The following RAB39A variants were observed in gnomAD, a reference collection of about 807,000 sequenced individuals.
RAB39A encodes ras-related protein Rab-39A.
Under a neutral mutation model 20.9 loss-of-function variants are expected in RAB39A, and 17 were observed. The observed-to-expected ratio is 0.81, with a 90% CI of 0.56 to 1.22. The LOEUF (loss-of-function observed/expected upper bound fraction) is 1.22, where lower values mean the gene tolerates loss of function less well. Among genes scored for constraint, RAB39A ranks in the 50% most tolerant of loss-of-function variants. The pLI, the probability that RAB39A is intolerant of heterozygous loss-of-function variation, is 0.00. For synonymous variants in RAB39A, 99 were observed against 103.4 expected (o/e 0.96, Z 0.26); for missense variants, 234 against 270.5 (o/e 0.87, Z 0.95).
At chr11:107,959,329 G>A (rs1861471698) in intron 1 of RAB39A, among the ~76,000 whole-genome samples, 2 of 152,098 alleles carry the variant, frequency 1.3e-5, no homozygotes, top group African/African-American at 4.8e-5. Flanking sequence ...TAAGAACATA[G>A]CCTTAATTAG....
intron 1 of RAB39A, among the ~76,000 whole-genome samples, chr11:107,945,480 G>A (rs181821894): frequency 2.0e-5 from 3 of 152,082 alleles, no homozygotes; most frequent in East Asian, 3.9e-4. Context: ...GGAGCCAAGA[G>A]CAACAAAATT....
chr11:107,928,686 G>T lies in RAB39A; in HGVS notation c.118G>T (p.Ala40Ser). ...QGRFPGLRSP[A>S]CDPTVGVDFF... The stretch of plus-strand genomic sequence containing the variant: ...CCGCTTCCCCGGGCTGCGCTCCCCC[G>T]CCTGCGACCCCACCGTCGGCGTGGA... Residue 40 changes from alanine to serine, a missense_variant, in exon 1 of 2, where the codon GCC (alanine) becomes TCC (serine). Transcript: ENST00000320578. This position sits in a 1 kb window ranked among gnomAD's most constrained non-coding sequence, Gnocchi z 4.9. 1 of 1,611,770 alleles carries T rather than the reference G, an allele frequency of 6.2e-7. No homozygotes were observed. The highest frequency in any genetic ancestry group is 1.7e-4 in the Middle Eastern group (1 of 6,048).
At chr11:107,940,162 T>A (rs998911455) in intron 1 of RAB39A, among the ~76,000 whole-genome samples, 3 of 152,074 alleles carry the variant, frequency 2.0e-5, no homozygotes, top group Non-Finnish European at 4.4e-5. Context: ...TGTCAAGCAG[T>A]GGCAAAGAAA....
At chr11:107,938,359 C>CAAA (rs58613355) in intron 1 of RAB39A, among the ~76,000 whole-genome samples, 195 of 62,946 alleles carry the variant, frequency 3.1e-3, no homozygotes, top group Middle Eastern at 0.033. Context: ...GACTCCGTCT[C>CAAA]AAAAAAAAAA....
chr11:107,948,548 G>A (rs1473877139), intron 1 of RAB39A, among the ~76,000 whole-genome samples: 1 of 151,876 alleles, frequency 6.6e-6, no homozygotes, highest in East Asian at 1.9e-4. Context: ...CCCCCAGGCT[G>A]GAGTGCAGTG....
Position 107,961,944 on chromosome 11 carries a change from A to G in RAB39A, c.228-2A>G. On this transcript the variant is annotated splice_acceptor_variant, in intron 1 of 1. Coordinates refer to ENST00000320578, the MANE Select transcript of RAB39A (RefSeq NM_017516.3). LOFTEE classifies it high-confidence loss of function. ...ACAACCTTTTTTCTCTTCATTTTTCAGATCAATAACCCGATCTTATTACCG... is the reference window on the plus strand; with the variant it reads ...ACAACCTTTTTTCTCTTCATTTTTCGGATCAATAACCCGATCTTATTACCG... 1 of 1,597,742 alleles carries G rather than the reference A, an allele frequency of 6.3e-7. No individual in the cohort carries two copies. Among genetic ancestry groups the G allele is most frequent in the Non-Finnish European group, 8.5e-7 (1 of 1,170,510 alleles).
At chr11:107,938,372 A>AG (rs1267872120) in intron 1 of RAB39A, among the ~76,000 whole-genome samples, 1 of 150,130 alleles carries the variant, frequency 6.7e-6, no homozygotes, top group Non-Finnish European at 1.5e-5. Context: ...AAAAAAAAAA[A>AG]AAAAAAAAGA....
chr11:107,940,915 G>A (rs1861252078), intron 1 of RAB39A, among the ~76,000 whole-genome samples: 1 of 152,022 alleles, frequency 6.6e-6, no homozygotes, highest in African/African-American at 2.4e-5. Context: ...AGAGGTTGCA[G>A]AGAGCCGAGA....
chr11:107,956,693 C>T (rs1232151141), intron 1 of RAB39A, among the ~76,000 whole-genome samples: 1 of 152,126 alleles, frequency 6.6e-6, no homozygotes, highest in South Asian at 2.1e-4. Context: ...TGTTGAGTGC[C>T]CACTTGGGAT....
intron 1 of RAB39A, among the ~76,000 whole-genome samples, chr11:107,937,539 A>AT (rs112197410): frequency 0.18 from 26,389 of 142,714 alleles, 2,416 homozygotes; most frequent in Middle Eastern, 0.28. Flanking sequence ...AATTATTACT[A>AT]TTTTTTTTTT....
rs778540979 is a variant in RAB39A, at chr11:107,961,933, C to G, written c.228-13C>G. ...GTTGTCCTTATACAACCTTTTTTCT[C>G]TTCATTTTTCAGATCAATAACCCGA... On this transcript the variant is annotated splice_polypyrimidine_tract_variant and intron_variant, in intron 1 of 1. Transcript: ENST00000320578. 6.3e-7 allele frequency: 1 copy of G among 1,584,410 alleles called. No homozygotes were observed. The highest frequency in any genetic ancestry group is 8.6e-7 in the Non-Finnish European group (1 of 1,164,204).
chr11:107,958,859 C>A (rs1861466407), intron 1 of RAB39A, among the ~76,000 whole-genome samples: 1 of 152,054 alleles, frequency 6.6e-6, no homozygotes, highest in South Asian at 2.1e-4. Context: ...GTGGCTCATG[C>A]CTGTTATCCT....
intron 1 of RAB39A, among the ~76,000 whole-genome samples, chr11:107,939,172 A>G (rs947840316): frequency 1.4e-5 from 2 of 139,180 alleles, no homozygotes; most frequent in Non-Finnish European, 3.0e-5. Flanking sequence ...TGAACCCAGG[A>G]GGTGGAGGTT....
At chr11:107,957,328 CAGG>C (rs1429471847) in intron 1 of RAB39A, among the ~76,000 whole-genome samples, 6 of 150,934 alleles carry the variant, frequency 4.0e-5, no homozygotes, top group African/African-American at 1.2e-4. Flanking sequence ...CTCAAAGGAG[CAGG>C]AGATTTTTTT....
chr11:107,958,453 T>C (rs1456668696), intron 1 of RAB39A, among the ~76,000 whole-genome samples: 1 of 152,152 alleles, frequency 6.6e-6, no homozygotes, highest in Non-Finnish European at 1.5e-5. Context: ...AAGACCTGCC[T>C]TTCAGTTCAA....
chr11:107,946,460 A>ATT (rs869125579), intron 1 of RAB39A, among the ~76,000 whole-genome samples: 7 of 15,758 alleles, frequency 4.4e-4, no homozygotes, highest in Non-Finnish European at 5.4e-4. Context: ...ATATATATAT[A>ATT]TTTTTTTTTT....
At chr11:107,937,100 G>C (rs975280480) in intron 1 of RAB39A, among the ~76,000 whole-genome samples, 1 of 152,076 alleles carries the variant, frequency 6.6e-6, no homozygotes, top group Non-Finnish European at 1.5e-5. Flanking sequence ...TTAGTTAAAA[G>C]TGTATTGTAA....
chr11:107,955,570 G>A (rs1023770852), intron 1 of RAB39A, among the ~76,000 whole-genome samples: 9 of 152,142 alleles, frequency 5.9e-5, no homozygotes, highest in East Asian at 1.9e-4. Flanking sequence ...AATTAAAAAC[G>A]GTTCACGCCT....
intron 1 of RAB39A, among the ~76,000 whole-genome samples, chr11:107,941,328 C>A (rs1591243477): frequency 6.6e-6 from 1 of 152,070 alleles, no homozygotes; most frequent in African/African-American, 2.4e-5. Flanking sequence ...GCAAAACATA[C>A]TTTAGGAACT....
Sources: allele counts gnomAD v4.1 joint callset (sites outside exome capture counted in the v4.1 genomes callset), GRCh38; gene constraint gnomAD v4.1.1; non-coding constraint Gnocchi (gnomAD v3.1); transcripts MANE v1.5; gene names NCBI Gene and HGNC (gene_info 2026-07-23, HGNC 2026-07-21).